THSD7B: variants seen among roughly 807,000 people sequenced by gnomAD.
THSD7B encodes the protein thrombospondin type 1 domain containing 7B.
In THSD7B, 138 loss-of-function variants were observed where a neutral mutation model predicts 213.6. That is an observed-to-expected ratio of 0.65 (90% CI 0.56 to 0.74). The LOEUF (loss-of-function observed/expected upper bound fraction) is 0.74, where lower values mean the gene tolerates loss of function less well. Among genes scored for constraint, THSD7B ranks in the 30% least tolerant of loss-of-function variants. The pLI, the probability that THSD7B is intolerant of heterozygous loss-of-function variation, is 0.00. For missense variants in THSD7B, 1,931 were observed against 1,991.5 expected (o/e 0.97, Z 0.58); for synonymous variants, 742 against 687.0 (o/e 1.08, Z -1.25).
At chr2:137,364,520 T>C (rs1482679287) in intron 12 of THSD7B, among the ~76,000 whole-genome samples, 3 of 152,180 alleles carry the variant, frequency 2.0e-5, no homozygotes, top group African/African-American at 7.2e-5. Flanking sequence ...AAAATCTCCT[T>C]AAGCTGATAA....
chr2:137,121,921 T>G (rs193300734), intron 5 of THSD7B, among the ~76,000 whole-genome samples: 1 of 152,184 alleles, frequency 6.6e-6, no homozygotes, highest in Non-Finnish European at 1.5e-5. Context: ...ATGTCAGTAT[T>G]CCATGCCAAA....
At position 137,411,819 on chromosome 2, in the gene THSD7B, C is replaced by G. The variant is rs1686660441; in HGVS notation, c.2906C>G (p.Ala969Gly). 6.2e-7 allele frequency: 1 copy of G among 1,613,942 alleles called. No individual in the cohort carries two copies. The highest frequency in any genetic ancestry group is 1.7e-5 in the Admixed American group (1 of 60,004). ...CGEGLRFRAV[A>G]CSDKNGRPVD... Reference sequence around the variant, plus strand: ...GAAGGCCTGCGCTTTCGAGCAGTAGCCTGTTCTGATAAAAATGGAAGACCT... The same window carrying G: ...GAAGGCCTGCGCTTTCGAGCAGTAGGCTGTTCTGATAAAAATGGAAGACCT... Residue 969 changes from alanine (A) to glycine (G), a missense_variant, in exon 14 of 28, where the codon GCC (alanine) becomes GGC (glycine). Physicochemically the swap from Ala to Gly is moderately conservative, Grantham distance 60. Coordinates refer to ENST00000409968, the MANE Select transcript of THSD7B (RefSeq NM_001316349.2).
intron 20 of THSD7B, among the ~76,000 whole-genome samples, chr2:137,638,454 G>A (rs959358674): frequency 6.6e-6 from 1 of 152,184 alleles, no homozygotes; most frequent in Admixed American, 6.5e-5. Context: ...ACGTGGAACT[G>A]TAAGTCCAAT....
At chr2:137,124,176 C>T (rs562535015) in intron 5 of THSD7B, among the ~76,000 whole-genome samples, 137 of 152,234 alleles carry the variant, frequency 9.0e-4, no homozygotes, top group Non-Finnish European at 1.6e-3. Flanking sequence ...TTCAGTTGAG[C>T]GTCTCGCTCA....
At chr2:137,665,507 T>G (rs1485104621) in intron 26 of THSD7B, among the ~76,000 whole-genome samples, 1 of 151,912 alleles carries the variant, frequency 6.6e-6, no homozygotes, top group Non-Finnish European at 1.5e-5. Flanking sequence ...TATTTGGTCT[T>G]GGGAGAGTTT....
chr2:137,313,169 T>A lies in THSD7B; in HGVS notation c.2500+37143T>A, dbSNP rs551266249. On this transcript the variant is annotated intron_variant, in intron 12 of 27. Transcript: ENST00000409968. The stretch of plus-strand genomic sequence containing the variant: ...GTCTCTTTGTAGGTCACTAAGGACT[T>A]GCTTTATGAATCTGGGTGCTCCTGT... Among the ~76,000 whole-genome samples, 154 of 152,298 alleles carry A rather than the reference T, an allele frequency of 1.0e-3. 3 individuals are homozygous for A. In the Middle Eastern group the frequency reaches 0.017, roughly 17 times the overall value.
At chr2:136,855,602 ATTATTTATTTATTTAT>A (rs1553453364) in intron 1 of THSD7B, among the ~76,000 whole-genome samples, 1 of 19,328 alleles carries the variant, frequency 5.2e-5, no homozygotes, top group African/African-American at 1.1e-4. Context: ...TTATTTATTT[ATTATTTATTTATTTAT>A]TTATTTATTT....
chr2:137,492,964 A>G (rs1204703811), intron 15 of THSD7B, among the ~76,000 whole-genome samples: 1 of 151,636 alleles, frequency 6.6e-6, no homozygotes, highest in Non-Finnish European at 1.5e-5. Flanking sequence ...TACTAAAAAT[A>G]TAAAAAATTA....
chr2:137,300,255 A>G (rs971337658), intron 12 of THSD7B, among the ~76,000 whole-genome samples: 13 of 152,194 alleles, frequency 8.5e-5, no homozygotes, highest in African/African-American at 3.1e-4. Flanking sequence ...ATTTATTCCA[A>G]CTAAAATATC....
intron 21 of THSD7B, among the ~76,000 whole-genome samples, chr2:137,644,130 G>C (rs1423429646): frequency 6.6e-6 from 1 of 152,124 alleles, no homozygotes; most frequent in Non-Finnish European, 1.5e-5. Flanking sequence ...TGAAAGCCCT[G>C]ACAAGGCTTC....
intron 1 of THSD7B, among the ~76,000 whole-genome samples, chr2:136,786,165 A>AG (rs35476463): frequency 1.0e-5 from 1 of 97,372 alleles, no homozygotes; most frequent in Non-Finnish European, 1.9e-5. Flanking sequence ...AGCAACAATA[A>AG]GGAAAAAATC....
At chr2:137,211,384 T>C (rs1337904821) in intron 7 of THSD7B, among the ~76,000 whole-genome samples, 2 of 11,540 alleles carry the variant, frequency 1.7e-4, no homozygotes, top group Admixed American at 1.4e-3. Flanking sequence ...TTATAGATGT[T>C]ATAGTTGTGC....
At chr2:136,935,241 T>C (rs1327212196) in intron 2 of THSD7B, among the ~76,000 whole-genome samples, 1 of 152,194 alleles carries the variant, frequency 6.6e-6, no homozygotes, top group Non-Finnish European at 1.5e-5. Flanking sequence ...GCCTTTGTTA[T>C]TGGCTTTTGA....
intron 24 of THSD7B, among the ~76,000 whole-genome samples, chr2:137,659,349 A>G (rs1683297420): frequency 6.6e-6 from 1 of 152,182 alleles, no homozygotes; most frequent in African/African-American, 2.4e-5. Flanking sequence ...GTTTAAATTT[A>G]GATTTTATCA....
chr2:137,595,282 C>G (rs953681265), intron 17 of THSD7B, among the ~76,000 whole-genome samples: 1 of 151,974 alleles, frequency 6.6e-6, no homozygotes, highest in Non-Finnish European at 1.5e-5. Flanking sequence ...AAATGCTATA[C>G]CTGCTCCTTT....
intron 2 of THSD7B, among the ~76,000 whole-genome samples, chr2:136,994,525 C>T (rs1685846429): frequency 6.6e-6 from 1 of 152,152 alleles, no homozygotes; most frequent in Non-Finnish European, 1.5e-5. Flanking sequence ...TGAGATCGCA[C>T]CACTGCACTC....
intron 2 of THSD7B, among the ~76,000 whole-genome samples, chr2:136,897,690 A>G (rs1297240315): frequency 6.6e-6 from 1 of 152,172 alleles, no homozygotes; most frequent in Non-Finnish European, 1.5e-5. Flanking sequence ...TGCTGATTGG[A>G]CCATTTTACA....
At chr2:137,177,938 G>A (rs1680388643) in intron 7 of THSD7B, among the ~76,000 whole-genome samples, 1 of 151,954 alleles carries the variant, frequency 6.6e-6, no homozygotes, top group South Asian at 2.1e-4. Context: ...GGGCATGGCG[G>A]CACATGCCTG....
intron 14 of THSD7B, among the ~76,000 whole-genome samples, chr2:137,422,723 G>T (rs1384759253): frequency 6.6e-6 from 1 of 152,056 alleles, no homozygotes; most frequent in African/African-American, 2.4e-5. Context: ...CTCTCTCTGA[G>T]TCAGACCATA....
Sources: gnomAD v4.1 joint callset for allele counts (sites outside exome capture counted in the v4.1 genomes callset) on GRCh38, gnomAD v4.1.1 for gene constraint, MANE v1.5 for transcripts, NCBI Gene and HGNC (gene_info 2026-07-23, HGNC 2026-07-21) for gene names.